Variants in SRR observed in about 807,000 individuals in gnomAD.
SRR encodes the protein serine racemase, also known as D-serine ammonia-lyase.
Under a neutral mutation model 32.7 loss-of-function variants are expected in SRR, and 19 were observed. The observed-to-expected ratio is 0.58, with a 90% CI of 0.40 to 0.85. SRR has a LOEUF of 0.85. SRR is among the 40% of genes least tolerant of loss of function. SRR has a pLI of 0.00. For synonymous variants in SRR, 142 were observed against 140.9 expected (o/e 1.01, Z -0.06); for missense variants, 373 against 404.7 (o/e 0.92, Z 0.67).
chr17:2,316,012 T>G (rs2075469892), intron 2 of SRR, among the ~76,000 whole-genome samples: 1 of 152,122 alleles, frequency 6.6e-6, no homozygotes, highest in South Asian at 2.1e-4. Context: ...AATATATACA[T>G]AAAATACAGT....
At chr17:2,320,781 T>C (rs1236010919) in intron 4 of SRR, among the ~76,000 whole-genome samples, 5 of 151,646 alleles carry the variant, frequency 3.3e-5, no homozygotes, top group Admixed American at 6.6e-5. Context: ...AGGCTGGTCT[T>C]GAACTCCTGA....
intron 1 of SRR, chr17:2,307,407 T>C (rs1406851145): frequency 2.1e-5 from 26 of 1,213,470 alleles, no homozygotes; most frequent in Admixed American, 1.0e-4. Context: ...ATGACAACTT[T>C]GGTTGTGAAG....
At chr17:2,313,733 C>CA (rs1264309076) in intron 1 of SRR, among the ~76,000 whole-genome samples, 1 of 150,494 alleles carries the variant, frequency 6.6e-6, no homozygotes, top group Non-Finnish European at 1.5e-5. Context: ...AACTCCATCT[C>CA]AAAAAAACAA....
Position 2,317,992 on chromosome 17 carries a change from G to A in SRR, c.291G>A (p.Leu97=). 6.2e-7 allele frequency: 1 copy of A among 1,612,022 alleles called. No homozygotes were observed. Among genetic ancestry groups the A allele is most frequent in the Non-Finnish European group, 8.5e-7 (1 of 1,178,930 alleles). ...HGQALTYAAK[L]EGIPAYIVVP... The stretch of plus-strand genomic sequence containing the variant: ...AGGCTCTCACCTATGCTGCCAAATT[G>A]GAAGGTACTTGATTTCTCAAGGTAC... The change falls in exon 3 of 8, where the codon TTG becomes TTA. Residue 97 remains leucine (L), a synonymous_variant. Coordinates refer to ENST00000344595, the MANE Select transcript of SRR (RefSeq NM_021947.3).
chr17:2,305,399 C>A (rs1180859107), intron 1 of SRR, among the ~76,000 whole-genome samples: 1 of 151,960 alleles, frequency 6.6e-6, no homozygotes, highest in Non-Finnish European at 1.5e-5. Context: ...AAAAGTTAAA[C>A]CAGTTCAAGA....
At chr17:2,303,781 A>C, upstream of SRR, 4 of 1,363,246 alleles carry the variant, frequency 2.9e-6, no homozygotes, top group East Asian at 3.1e-5. Context: ...CCAGGAAACC[A>C]CCACAGACGG....
chr17:2,323,824 G>A lies in SRR; in HGVS notation c.974G>A (p.Trp325Ter), dbSNP rs1333814264. ...GNVDLTSSIT[W>*]VKQAERPASY... ...GTAGACTTAACCTCCTCCATAACTT[G>A]GGTGAAGCAGGCTGAAAGGCCAGCT... Residue 325 changes from tryptophan to a stop codon, truncating the protein, a stop_gained, in exon 8 of 8, where the codon TGG (tryptophan) becomes TAG (stop). Transcript: ENST00000344595. LOFTEE classifies it high-confidence loss of function. The A allele has an allele frequency of 4.3e-6, 7 of 1,614,052 alleles. No homozygotes were observed. The highest frequency in any genetic ancestry group is 1.6e-4 in the Middle Eastern group (1 of 6,082).
intron 1 of SRR, chr17:2,315,256 AAAAG>A (rs2075463870): frequency 5.3e-6 from 1 of 189,156 alleles, no homozygotes; most frequent in Non-Finnish European, 1.1e-5. Context: ...AAAAAAAAAA[AAAAG>A]GAAGATGGAG....
rs2075566883 is a variant in SRR at position 2,324,979 on chromosome 17, A to G, written c.*1106A>G. On this transcript the variant is annotated 3_prime_UTR_variant, in exon 8 of 8. Transcript: ENST00000344595. ...GCTAAGATTGGTAAACTGTAAGCCC[A>G]CACTTAACCTTGTCAATAGGTTCTT... 2.5e-6 allele frequency: 2 copies of G among 812,096 alleles called. No homozygotes were observed. The highest frequency in any genetic ancestry group is 1.9e-6 in the Non-Finnish European group (1 of 536,628). 50.3% of individuals were successfully genotyped at this position (812,096 alleles called of 1,614,324 possible).
At chr17:2,307,294 A>G (rs878938668) in intron 1 of SRR, 5 of 1,119,670 alleles carry the variant, frequency 4.5e-6, no homozygotes, top group Non-Finnish European at 6.7e-6. Flanking sequence ...TGAAATTAGG[A>G]AAGGCCTGTC....
rs1450459893 is a variant in SRR, at chr17:2,323,333, G to C, written c.792G>C (p.Glu264Asp). 1.2e-6 allele frequency: 2 copies of C among 1,613,844 alleles called. No homozygotes were observed. Among genetic ancestry groups the C allele is most frequent in the Non-Finnish European group, 1.7e-6 (2 of 1,179,892 alleles). Residue 264 changes from glutamate (E) to aspartate (D), a missense_variant, in exon 7 of 8, where the codon GAG becomes GAC. Coordinates refer to ENST00000344595, the MANE Select transcript of SRR (RefSeq NM_021947.3). ...DLVDDIFTVT[E>D]DEIKCATQLV... ...TGGATGATATCTTCACTGTCACAGA[G>C]GATGAAATTAAGGTGAGGCTCCAGC...
chr17:2,303,830 C>T (rs2075349131), upstream of SRR: 1 of 852,492 alleles, frequency 1.2e-6, no homozygotes, highest in South Asian at 1.8e-5. Context: ...CCTTTCCCCG[C>T]CCCCTGCCGC....
At chr17:2,311,044 C>A (rs1457276702) in intron 1 of SRR, among the ~76,000 whole-genome samples, 2 of 151,894 alleles carry the variant, frequency 1.3e-5, no homozygotes, top group Non-Finnish European at 2.9e-5. Context: ...CCACGCCCGG[C>A]CAATTTTTGT....
chr17:2,323,675 G>A lies in SRR; in HGVS notation c.825G>A (p.Trp275Ter). 1 of 1,614,148 alleles carries A rather than the reference G, an allele frequency of 6.2e-7. No homozygotes were observed. The highest frequency in any genetic ancestry group is 8.5e-7 in the Non-Finnish European group (1 of 1,180,000). ...DEIKCATQLV[W>*]ERMKLLIEPT... ...AACAGTGTGCAACCCAGCTGGTGTG[G>A]GAGAGGATGAAACTACTCATTGAAC... is the stretch of plus-strand genomic sequence containing the variant. Residue 275 changes from tryptophan to a stop codon, truncating the protein, a stop_gained, in exon 8 of 8, where the codon TGG (tryptophan) becomes TGA (stop). Transcript: ENST00000344595. LOFTEE classifies it high-confidence loss of function.
intron 1 of SRR, among the ~76,000 whole-genome samples, chr17:2,309,471 C>T (rs895441206): frequency 1.3e-5 from 2 of 152,068 alleles, no homozygotes; most frequent in African/African-American, 4.8e-5. Flanking sequence ...GCTATTTTCC[C>T]CTCAGGTGCA....
At chr17:2,318,575 C>G (rs2075497639) in intron 3 of SRR, among the ~76,000 whole-genome samples, 2 of 150,108 alleles carry the variant, frequency 1.3e-5, no homozygotes, top group Non-Finnish European at 3.0e-5. Flanking sequence ...CACCATTGTC[C>G]TGCCTCAGCC....
intron 4 of SRR, 43 bp from the exon 5 acceptor site, chr17:2,321,263 C>CTA: frequency 6.2e-7 from 1 of 1,603,418 alleles, no homozygotes; most frequent in South Asian, 1.1e-5. Context: ...GTTGGGGACT[C>CTA]TATTAAATAC....
chr17:2,310,896 G>A (rs1004979057), intron 1 of SRR, among the ~76,000 whole-genome samples: 32 of 151,904 alleles, frequency 2.1e-4, no homozygotes, highest in Admixed American at 3.3e-4. Context: ...ACAGGTGCCC[G>A]CCACCATGCC....
chr17:2,316,154 T>C (rs1270650305), intron 2 of SRR, among the ~76,000 whole-genome samples: 3 of 152,178 alleles, frequency 2.0e-5, no homozygotes, highest in Admixed American at 2.0e-4. Context: ...CATTGTGTTA[T>C]AGCTGCCTAC....
Sources: gnomAD v4.1 joint callset for allele counts (sites outside exome capture counted in the v4.1 genomes callset) on GRCh38, gnomAD v4.1.1 for gene constraint, MANE v1.5 for transcripts, NCBI Gene and HGNC (gene_info 2026-07-23, HGNC 2026-07-21) for gene names.